The following NCKAP5 variants were observed in gnomAD, a reference collection of about 807,000 sequenced individuals.
NCKAP5 encodes NCK associated protein 5, also known as nck-associated protein 5.
A neutral mutation model predicts 167.0 loss-of-function variants in NCKAP5; 92 were observed. The observed-to-expected ratio is 0.55, with a 90% confidence interval of 0.47 to 0.66. The LOEUF is 0.66. Ranked by LOEUF, NCKAP5 falls within the 30% of genes least tolerant of loss-of-function variation. The pLI is 0.00. For missense variants in NCKAP5, 2,378 were observed against 2,315.0 expected (o/e 1.03, Z -0.56); for synonymous variants, 891 against 877.4 (o/e 1.02, Z -0.27).
chr2:132,859,778 A>G (rs1219283315), intron 11 of NCKAP5, among the ~76,000 whole-genome samples: 1 of 152,200 alleles, frequency 6.6e-6, no homozygotes, highest in Non-Finnish European at 1.5e-5. Context: ...AAGCAAATAT[A>G]CACATTAATA....
At chr2:133,157,872 A>AT (rs1359769835) in intron 5 of NCKAP5, among the ~76,000 whole-genome samples, 2 of 152,182 alleles carry the variant, frequency 1.3e-5, no homozygotes, top group Non-Finnish European at 2.9e-5. Flanking sequence ...AAATTAAGGT[A>AT]TTTTTCCAAC....
chr2:133,483,626 AAG>A (rs1491135022), intron 3 of NCKAP5, among the ~76,000 whole-genome samples: 14 of 131,374 alleles, frequency 1.1e-4, no homozygotes, highest in South Asian at 5.6e-4. Flanking sequence ...TGCAAAAAAA[AAG>A]GGGGGGGGGC....
chr2:132,802,802 T>C (rs1685141992), intron 11 of NCKAP5, among the ~76,000 whole-genome samples: 1 of 152,164 alleles, frequency 6.6e-6, no homozygotes, highest in Non-Finnish European at 1.5e-5. Flanking sequence ...AGCCAAATGA[T>C]CTTCCATAAA....
At chr2:132,879,583 A>C (rs536253559) in intron 8 of NCKAP5, among the ~76,000 whole-genome samples, 1 of 152,298 alleles carries the variant, frequency 6.6e-6, no homozygotes, top group African/African-American at 2.4e-5. Flanking sequence ...TAGGTTTTAG[A>C]AGGAGCGTGA....
chr2:133,091,729 T>C (rs2081191738), intron 6 of NCKAP5, among the ~76,000 whole-genome samples: 1 of 151,842 alleles, frequency 6.6e-6, no homozygotes, highest in East Asian at 1.9e-4. Flanking sequence ...CTACCAAAAA[T>C]ACAAAAAATT....
intron 19 of NCKAP5, among the ~76,000 whole-genome samples, chr2:132,709,131 A>G (rs1458195281): frequency 6.6e-6 from 1 of 152,038 alleles, no homozygotes; most frequent in Non-Finnish European, 1.5e-5. Context: ...TTCTATGAAC[A>G]TATCATAATA....
intron 3 of NCKAP5, among the ~76,000 whole-genome samples, chr2:133,320,450 T>C (rs1464905864): frequency 5.9e-5 from 9 of 152,174 alleles, no homozygotes; most frequent in African/African-American, 1.9e-4. Context: ...GGCCCTTGGC[T>C]GGGTGCGGTG....
intron 2 of NCKAP5, chr2:133,527,106 A>G (rs557377797): frequency 2.6e-5 from 4 of 152,208 alleles, no homozygotes; most frequent in South Asian, 2.1e-4. Flanking sequence ...AGCTACACTT[A>G]AAAAGCCATC....
chr2:133,204,721 C>G (rs956960529), intron 5 of NCKAP5, among the ~76,000 whole-genome samples: 5 of 152,098 alleles, frequency 3.3e-5, no homozygotes, highest in Non-Finnish European at 7.3e-5. Context: ...ATTAAAACTC[C>G]CACTGACAAT....
rs2320154 is a variant in NCKAP5 at position 132,763,081 on chromosome 2, C to T, written c.5128+10735G>A. 6.6e-3 allele frequency among the ~76,000 whole-genome samples: 999 copies of T among 152,144 alleles called. 14 individuals are homozygous for T. The highest frequency in any genetic ancestry group is 0.023 in the African/African-American group (944 of 41,514). On this transcript the variant is annotated intron_variant, in intron 16 of 19. Coordinates refer to ENST00000409261, the MANE Select transcript of NCKAP5 (RefSeq NM_207363.3). ...TTCATGAGGAGGAAGGTGACTGGTG[C>T]GTTTGGTTGGCTTAAAGATAAGTGA...
chr2:133,448,047 G>A (rs148471071), intron 3 of NCKAP5, among the ~76,000 whole-genome samples: 79 of 152,222 alleles, frequency 5.2e-4, no homozygotes, highest in Admixed American at 9.8e-4. Context: ...AGCAAGAAGC[G>A]CCACACACAG....
chr2:133,583,087 T>A, the NCKAP5 span, among the ~76,000 whole-genome samples: 2 of 151,938 alleles, frequency 1.3e-5, no homozygotes, highest in African/African-American at 4.8e-5. Flanking sequence ...CTTCTTGGAA[T>A]TGATCAAAAG....
At chr2:133,278,191 C>T (rs1221796671) in intron 4 of NCKAP5, among the ~76,000 whole-genome samples, 1 of 152,096 alleles carries the variant, frequency 6.6e-6, no homozygotes, top group Non-Finnish European at 1.5e-5. Context: ...GCTGCTGTAA[C>T]AAATTATCGC....
At chr2:132,712,562 G>A (rs1476097960) in intron 19 of NCKAP5, among the ~76,000 whole-genome samples, 3 of 152,174 alleles carry the variant, frequency 2.0e-5, no homozygotes, top group East Asian at 3.9e-4. Context: ...TGAGGCAGGA[G>A]AATGGCGTGA....
At chr2:133,254,013 TC>T (rs1334195510) in intron 4 of NCKAP5, among the ~76,000 whole-genome samples, 1 of 152,160 alleles carries the variant, frequency 6.6e-6, no homozygotes, top group African/African-American at 2.4e-5. Context: ...CATTCATTGC[TC>T]CACTGCAAAA....
In NCKAP5 at chr2:133,491,958, C is replaced by T. The variant is rs145972201; in HGVS notation, c.69+25500G>A. ...ATGTCCTTCACGCATTTTTACTACT[C>T]ATATGGTAAACAGGGCTTTTTCCAT... On this transcript the variant is annotated intron_variant, in intron 3 of 19. Coordinates refer to ENST00000409261, the MANE Select transcript of NCKAP5 (RefSeq NM_207363.3). 6.7e-3 allele frequency among the ~76,000 whole-genome samples: 1,025 copies of T among 152,286 alleles called. 9 individuals are homozygous for T. The highest frequency in any genetic ancestry group is 0.024 in the African/African-American group (984 of 41,546).
chr2:133,347,505 A>G (rs1684059068), intron 3 of NCKAP5, among the ~76,000 whole-genome samples: 1 of 152,118 alleles, frequency 6.6e-6, no homozygotes, highest in African/African-American at 2.4e-5. Context: ...GTGAGCCAAG[A>G]TTATGCCATT....
At chr2:133,312,728 T>G (rs1681333679) in intron 3 of NCKAP5, among the ~76,000 whole-genome samples, 1 of 152,200 alleles carries the variant, frequency 6.6e-6, no homozygotes, top group Non-Finnish European at 1.5e-5. Flanking sequence ...TAAATTCCTA[T>G]CTTAATTAAA....
chr2:132,835,552 T>G (rs1687829094), intron 11 of NCKAP5, among the ~76,000 whole-genome samples: 1 of 152,118 alleles, frequency 6.6e-6, no homozygotes, highest in Non-Finnish European at 1.5e-5. Context: ...ATCTGAATTT[T>G]TACTTTTTTT....
Sources: gnomAD v4.1 joint callset for allele counts (sites outside exome capture counted in the v4.1 genomes callset) on GRCh38, gnomAD v4.1.1 for gene constraint, MANE v1.5 for transcripts, NCBI Gene and HGNC (gene_info 2026-07-23, HGNC 2026-07-21) for gene names.